NTM: variants seen among roughly 807,000 people sequenced by gnomAD.
The protein encoded by NTM is neurotrimin, also known as IgLON family member 2.
In NTM, 13 loss-of-function variants were observed where a neutral mutation model predicts 42.1. That is an observed-to-expected ratio of 0.31 (90% CI 0.20 to 0.49). The LOEUF is 0.49. Ranked by LOEUF, NTM falls within the 20% of genes least tolerant of loss-of-function variation. The pLI is 0.99. For missense variants in NTM, 373 were observed against 452.8 expected, an observed-to-expected ratio of 0.82 and a Z score of 1.60; for synonymous variants, 187 against 179.2, an observed-to-expected ratio of 1.04 and a Z score of -0.35.
chr11:131,724,486 T>C (rs1247378350), intron 1 of NTM, among the ~76,000 whole-genome samples: 1 of 152,164 alleles, frequency 6.6e-6, no homozygotes, highest in Non-Finnish European at 1.5e-5. Context: ...AATGTGGTTT[T>C]ATTATACCCG....
intron 1 of NTM, among the ~76,000 whole-genome samples, chr11:131,708,380 G>T (rs2076795571): frequency 6.6e-6 from 1 of 152,010 alleles, no homozygotes; most frequent in East Asian, 1.9e-4. Flanking sequence ...TTTGTCTCAT[G>T]AATTGGTCAA....
intron 2 of NTM, among the ~76,000 whole-genome samples, chr11:132,129,403 C>A (rs1252154601): frequency 6.6e-6 from 1 of 152,194 alleles, no homozygotes; most frequent in African/African-American, 2.4e-5. Context: ...AAACAGATCC[C>A]AGGAGCCCTG....
At chr11:131,816,837 C>G (rs1237895585) in intron 1 of NTM, among the ~76,000 whole-genome samples, 3 of 77,048 alleles carry the variant, frequency 3.9e-5, no homozygotes, top group African/African-American at 1.2e-4. Context: ...AGGGTCCATA[C>G]TTAGCATAGC....
At chr11:131,410,641 A>G (rs1023677372) in intron 1 of NTM, among the ~76,000 whole-genome samples, 2 of 150,382 alleles carry the variant, frequency 1.3e-5, no homozygotes, top group Non-Finnish European at 3.0e-5. Flanking sequence ...CTTTTTTTGT[A>G]ATTATGTCGC....
At chr11:132,174,081 A>T (rs972765478) in intron 3 of NTM, among the ~76,000 whole-genome samples, 1 of 152,122 alleles carries the variant, frequency 6.6e-6, no homozygotes, top group African/African-American at 2.4e-5. Flanking sequence ...GAAGCAGTGG[A>T]AAAAGAGCTT....
chr11:131,945,260 A>G (rs916315631), intron 2 of NTM, among the ~76,000 whole-genome samples: 2 of 152,198 alleles, frequency 1.3e-5, no homozygotes, highest in Admixed American at 6.5e-5. Context: ...ACATAGCAAG[A>G]GGTCTGCTGT....
intron 1 of NTM, among the ~76,000 whole-genome samples, chr11:131,387,749 A>G (rs1408775540): frequency 6.6e-6 from 1 of 152,214 alleles, no homozygotes; most frequent in Non-Finnish European, 1.5e-5. Flanking sequence ...ACACACAAAT[A>G]TTATGTATCA....
chr11:131,877,453 T>A (rs1054348071), intron 1 of NTM, among the ~76,000 whole-genome samples: 1 of 152,178 alleles, frequency 6.6e-6, no homozygotes, highest in African/African-American at 2.4e-5. Context: ...GAGTCTCACA[T>A]GACAATGAAT....
chr11:132,048,366 A>G (rs765811004), intron 2 of NTM, among the ~76,000 whole-genome samples: 6 of 152,220 alleles, frequency 3.9e-5, no homozygotes, highest in Admixed American at 6.5e-5. Flanking sequence ...CACACGATCA[A>G]TACATTTCTG....
At chr11:132,077,427 G>A (rs887351976) in intron 2 of NTM, among the ~76,000 whole-genome samples, 7 of 152,196 alleles carry the variant, frequency 4.6e-5, no homozygotes, top group Non-Finnish European at 8.8e-5. Flanking sequence ...AAGGGCAAGA[G>A]GGAAAATACC....
At chr11:132,280,452 C>G (rs548666797) in intron 4 of NTM, among the ~76,000 whole-genome samples, 40 of 150,644 alleles carry the variant, frequency 2.7e-4, no homozygotes, top group Non-Finnish European at 3.8e-4. Context: ...CCTGGCCTCA[C>G]CACACTGTCC....
chr11:131,837,091 G>A (rs922696104), intron 1 of NTM, among the ~76,000 whole-genome samples: 13 of 152,162 alleles, frequency 8.5e-5, no homozygotes, highest in Non-Finnish European at 1.9e-4. Context: ...CAAGAGTCAA[G>A]GTACAGGAAA....
chr11:131,766,322 T>A (rs927393338), intron 1 of NTM, among the ~76,000 whole-genome samples: 2 of 152,118 alleles, frequency 1.3e-5, no homozygotes, highest in Admixed American at 6.5e-5. Context: ...GAAGCTTAGG[T>A]CTGATGCTGG....
intron 2 of NTM, among the ~76,000 whole-genome samples, chr11:132,136,983 T>C (rs1367658365): frequency 6.6e-6 from 1 of 152,198 alleles, no homozygotes; most frequent in Non-Finnish European, 1.5e-5. Flanking sequence ...TTCCAGCCCC[T>C]TTTCTAGTGT....
intron 2 of NTM, among the ~76,000 whole-genome samples, chr11:131,960,478 G>C (rs1398390552): frequency 6.6e-6 from 1 of 152,198 alleles, no homozygotes; most frequent in Non-Finnish European, 1.5e-5. Flanking sequence ...GAATCGGGGA[G>C]ACAATGGCAG....
At chr11:132,110,384 A>G (rs1423836150) in intron 2 of NTM, among the ~76,000 whole-genome samples, 2 of 152,226 alleles carry the variant, frequency 1.3e-5, no homozygotes, top group Admixed American at 1.3e-4. Flanking sequence ...TATCTCTGCC[A>G]AGGACAGTTG....
At chr11:131,500,120 T>C (rs1297212830) in intron 1 of NTM, among the ~76,000 whole-genome samples, 1 of 152,190 alleles carries the variant, frequency 6.6e-6, no homozygotes, top group Admixed American at 6.5e-5. Context: ...GTGACATCAG[T>C]GGCCACGGGC....
intron 1 of NTM, among the ~76,000 whole-genome samples, chr11:131,693,515 C>G (rs779618458): frequency 3.3e-5 from 5 of 152,124 alleles, no homozygotes; most frequent in Non-Finnish European, 5.9e-5. Flanking sequence ...ACTCAGGCCC[C>G]GTGCCTGACT....
chr11:131,701,974 C>T (rs534017655), intron 1 of NTM, among the ~76,000 whole-genome samples: 2 of 152,338 alleles, frequency 1.3e-5, no homozygotes, highest in Non-Finnish European at 2.9e-5. Context: ...CCCTATGCAA[C>T]TGTGTGTGTC....
Sources: allele counts gnomAD v4.1 joint callset (sites outside exome capture counted in the v4.1 genomes callset), GRCh38; gene constraint gnomAD v4.1.1; transcripts MANE v1.5; gene names NCBI Gene and HGNC (gene_info 2026-07-23, HGNC 2026-07-21).